MALRD1: variants seen among roughly 807,000 people sequenced by gnomAD.
MALRD1 encodes MAM and LDL receptor class A domain containing 1.
A neutral mutation model predicts 242.1 loss-of-function variants in MALRD1; 247 were observed. The observed-to-expected ratio is 1.02, with a 90% CI of 0.92 to 1.13. MALRD1 has a LOEUF of 1.13. MALRD1 is among the 50% of genes most tolerant of loss of function. The pLI is 0.00. For missense variants in MALRD1, 2,989 were observed against 2,533.1 expected (o/e 1.18, Z -3.86); for synonymous variants, 995 against 866.6 (o/e 1.15, Z -2.60).
rs1379070543 is a variant in MALRD1, at chr10:19,284,440, C to A, written c.3419+1259C>A. Among the ~76,000 whole-genome samples the A allele has an allele frequency of 2.2e-5, 3 of 135,242 alleles. No homozygotes were observed. The East Asian group carries it at 7.1e-4, about 32-fold the overall frequency. 88.7% of individuals were successfully genotyped at this position (135,242 alleles called of 152,430 possible). ...CCACAGTCCCCAGAGTGTGATGTTC[C>A]CCTTCCTGTGTCCATGTGATCTCAT... On this transcript the variant is annotated intron_variant, in intron 21 of 39. Transcript: ENST00000454679.
rs1369656521 is a variant in MALRD1, at chr10:19,108,500, C to T, written c.694+4425C>T. ...CGCAATCTCGGCTCACTGCAAGCTC[C>T]GCTTCCCGGGTTCACGCCATTCTCC... On this transcript the variant is annotated intron_variant, in intron 5 of 39. Coordinates refer to ENST00000454679, the MANE Select transcript of MALRD1 (RefSeq NM_001142308.3). Among the ~76,000 whole-genome samples, 7 of 42,898 alleles carry T rather than the reference C, an allele frequency of 1.6e-4. 3 individuals are homozygous for T. The highest frequency in any genetic ancestry group is 1.2e-3 in the East Asian group (2 of 1,662). 28.1% of individuals were successfully genotyped at this position (42,898 alleles called of 152,430 possible).
chr10:19,134,059 C>T (rs1044891876), intron 9 of MALRD1, 111 bp downstream of exon 9: 32 of 429,584 alleles, frequency 7.4e-5, no homozygotes, highest in African/African-American at 1.8e-4. Flanking sequence ...GTTAGGGATG[C>T]GTGCTTGTAT....
chr10:19,169,206 C>G (rs568763655), intron 13 of MALRD1, among the ~76,000 whole-genome samples: 84 of 152,054 alleles, frequency 5.5e-4, no homozygotes, highest in Non-Finnish European at 1.1e-3. Flanking sequence ...AATAAACACT[C>G]TCGGTGTTAT....
At chr10:19,480,275 G>A (rs1485131464) in intron 29 of MALRD1, among the ~76,000 whole-genome samples, 2 of 152,190 alleles carry the variant, frequency 1.3e-5, no homozygotes, top group Non-Finnish European at 2.9e-5. Flanking sequence ...CACAGAAAAT[G>A]TACAATAAGT....
chr10:19,203,893 CAG>C lies in MALRD1; in HGVS notation c.2104+14_2104+15del, dbSNP rs2131614749. On this transcript the variant is annotated intron_variant, in intron 15 of 39. Transcript: ENST00000454679. ...AACGCATCTCAAGGTAAGAAGCAAA[CAG>C]GGACTCTACAACCACTGCTATTTAC... 6.4e-7 allele frequency: 1 copy of C among 1,550,400 alleles called. No individual in the cohort carries two copies. Among genetic ancestry groups the C allele is most frequent in the African/African-American group, 1.4e-5 (1 of 73,154 alleles).
rs915706660 is a variant in MALRD1 at position 19,128,336 on chromosome 10, C to T, written c.1059C>T (p.Phe353=). 1.3e-5 allele frequency: 16 copies of T among 1,233,208 alleles called. No individual in the cohort carries two copies. The highest frequency in any genetic ancestry group is 1.4e-5 in the Non-Finnish European group (14 of 987,762). The allele number at this position is 1,233,208 out of a possible 1,614,324, so 76.4% of individuals were successfully genotyped here. ...TGGGCAAGAGCTGTCATCTTCAATT[C>T]TATTATGCAATGGAAAGCAGTGTCC... ...HCLGKSCHLQ[F]YYAMESSVLR... Residue 353 remains phenylalanine (F), a synonymous_variant, in exon 8 of 40, where the codon TTC becomes TTT. Coordinates refer to ENST00000454679, the MANE Select transcript of MALRD1 (RefSeq NM_001142308.3).
chr10:19,503,730 T>G (rs2131264564), intron 31 of MALRD1, among the ~76,000 whole-genome samples: 1 of 152,346 alleles, frequency 6.6e-6, no homozygotes, highest in Non-Finnish European at 1.5e-5. Flanking sequence ...TTTGCTATTG[T>G]TACGTCTCCT....
intron 31 of MALRD1, among the ~76,000 whole-genome samples, chr10:19,508,785 A>T (rs1312300361): frequency 6.6e-6 from 1 of 152,198 alleles, no homozygotes; most frequent in Non-Finnish European, 1.5e-5. Flanking sequence ...TATGTGGCTC[A>T]CGTTATGTTT....
chr10:19,712,017 A>T (rs1564561397), intron 38 of MALRD1, among the ~76,000 whole-genome samples: 1 of 152,230 alleles, frequency 6.6e-6, no homozygotes, highest in Non-Finnish European at 1.5e-5. Context: ...TTCCAGATCC[A>T]GTGGTCTGAT....
chr10:19,690,043 A>G (rs1210095512), intron 36 of MALRD1, among the ~76,000 whole-genome samples: 1 of 152,058 alleles, frequency 6.6e-6, no homozygotes, highest in African/African-American at 2.4e-5. Flanking sequence ...TCAAGATGGC[A>G]GGCTGATACA....
At chr10:19,415,368 C>T (rs4607974) in intron 28 of MALRD1, among the ~76,000 whole-genome samples, 2,169 of 152,130 alleles carry the variant, frequency 0.014, 56 homozygotes, top group African/African-American at 0.049. Context: ...TACTGTGATT[C>T]CCCCTTGTGA....
chr10:19,287,798 G>T (rs946515443), intron 21 of MALRD1, among the ~76,000 whole-genome samples: 51 of 152,112 alleles, frequency 3.4e-4, no homozygotes, highest in African/African-American at 1.2e-3. Flanking sequence ...ACTCATTCCC[G>T]TCATTAAGTG....
chr10:19,166,380 C>T (rs1320280742), intron 13 of MALRD1, among the ~76,000 whole-genome samples: 1 of 152,040 alleles, frequency 6.6e-6, no homozygotes, highest in Non-Finnish European at 1.5e-5. Flanking sequence ...AAAAGTTGAT[C>T]TCATGGAGGT....
intron 28 of MALRD1, among the ~76,000 whole-genome samples, chr10:19,423,659 A>G (rs1163181614): frequency 6.6e-6 from 1 of 152,124 alleles, no homozygotes; most frequent in African/African-American, 2.4e-5. Flanking sequence ...GAGAGCACCC[A>G]TTCAGCTTCC....
In MALRD1 at chr10:19,128,401, T is replaced by A; in HGVS notation, c.1110+14T>A. On this transcript the variant is annotated intron_variant, in intron 8 of 39. Coordinates refer to ENST00000454679, the MANE Select transcript of MALRD1 (RefSeq NM_001142308.3). The stretch of plus-strand genomic sequence containing the variant: ...TATAATAATAAGGTAAGAAGAAAGT[T>A]GCATTTATTTCAAATTCATTGAATC... 6 of 1,231,124 alleles carry A rather than the reference T, an allele frequency of 4.9e-6. No homozygotes were observed. Among genetic ancestry groups the A allele is most frequent in the Non-Finnish European group, 6.1e-6 (6 of 985,844 alleles). 76.3% of individuals were successfully genotyped at this position (1,231,124 alleles called of 1,614,324 possible). A position where few individuals can be genotyped will look rare whatever the true frequency, so the allele number is the denominator to read the frequency against.
chr10:19,365,059 A>G (rs1241792353), intron 26 of MALRD1, among the ~76,000 whole-genome samples: 1 of 152,194 alleles, frequency 6.6e-6, no homozygotes, highest in Non-Finnish European at 1.5e-5. Context: ...AATGTCATTT[A>G]AAATTTTAAA....
chr10:19,210,318 G>T (rs1836995422), intron 18 of MALRD1, among the ~76,000 whole-genome samples: 1 of 152,184 alleles, frequency 6.6e-6, no homozygotes, highest in Admixed American at 6.5e-5. Context: ...TAAGCCAGAA[G>T]TCCTTTCAGC....
intron 36 of MALRD1, among the ~76,000 whole-genome samples, chr10:19,640,215 A>G (rs577986454): frequency 1.3e-5 from 2 of 152,074 alleles, no homozygotes; most frequent in Admixed American, 1.3e-4. Context: ...TCAGCCTCCC[A>G]AGTAGCAGGG....
intron 28 of MALRD1, among the ~76,000 whole-genome samples, chr10:19,398,664 T>G (rs1441093253): frequency 6.6e-6 from 1 of 152,168 alleles, no homozygotes; most frequent in African/African-American, 2.4e-5. Context: ...CTCTTGAAAA[T>G]TAATATTCTA....
Sources: gnomAD v4.1 joint callset for allele counts (sites outside exome capture counted in the v4.1 genomes callset) on GRCh38, gnomAD v4.1.1 for gene constraint, MANE v1.5 for transcripts, NCBI Gene and HGNC (gene_info 2026-07-23, HGNC 2026-07-21) for gene names.